SLC7A6: variants seen among roughly 807,000 people sequenced by gnomAD.
The protein encoded by SLC7A6 is solute carrier family 7 member 6.
SLC7A6 carries 29 observed loss-of-function variants against 46.6 expected under a neutral mutation model. The ratio of observed to expected loss-of-function variants is 0.62; its 90% CI spans 0.46 to 0.85. SLC7A6 has a LOEUF of 0.85. Ranked by LOEUF, SLC7A6 falls within the 40% of genes least tolerant of loss-of-function variation. SLC7A6 has a pLI of 0.00. For missense variants in SLC7A6, 527 were observed against 647.6 expected (o/e 0.81, Z 2.02); for synonymous variants, 276 against 257.3 (o/e 1.07, Z -0.70).
intron 3 of SLC7A6, among the ~76,000 whole-genome samples, chr16:68,285,714 A>G (rs1298694178): frequency 6.6e-6 from 1 of 152,188 alleles, no homozygotes; most frequent in Non-Finnish European, 1.5e-5. Flanking sequence ...GCCTTGCTCC[A>G]GGGAATTGGA....
chr16:68,271,809 C>CTTT (rs555148108), intron 2 of SLC7A6, among the ~76,000 whole-genome samples: 1 of 119,952 alleles, frequency 8.3e-6, no homozygotes, highest in Non-Finnish European at 1.9e-5. Flanking sequence ...TTTTTCTTTT[C>CTTT]TTTTTTTTTT....
At position 68,264,584 on chromosome 16, in the gene SLC7A6, G is replaced by T. The variant is rs2042492919; in HGVS notation, c.-166+8G>T. 6.6e-6 allele frequency: 1 copy of T among 152,500 alleles called. No individual in the cohort carries two copies. Among genetic ancestry groups the T allele is most frequent in the Non-Finnish European group, 1.5e-5 (1 of 68,190 alleles). 9.4% of individuals were successfully genotyped at this position (152,500 alleles called of 1,614,324 possible). Reference sequence around the variant, plus strand: ...GCGCCGGGCCACTGGGAGGTAACGGGCTGGGCCATGGGCGGGCGCGCCGGG... The same window carrying T: ...GCGCCGGGCCACTGGGAGGTAACGGTCTGGGCCATGGGCGGGCGCGCCGGG... On this transcript the variant is annotated splice_region_variant and intron_variant, in intron 1 of 10. Transcript: ENST00000219343. This position sits in a 1 kb window ranked among gnomAD's most constrained non-coding sequence, Gnocchi z 5.8.
intron 8 of SLC7A6, among the ~76,000 whole-genome samples, chr16:68,295,382 A>G (rs921168080): frequency 6.6e-6 from 1 of 152,192 alleles, no homozygotes; most frequent in East Asian, 1.9e-4. Flanking sequence ...AATTCTCTTG[A>G]TATTTTGACA....
At chr16:68,266,521 T>C (rs1380235108) in intron 1 of SLC7A6, 72 bp from the exon 2 acceptor site, 4 of 152,068 alleles carry the variant, frequency 2.6e-5, no homozygotes, top group Non-Finnish European at 5.9e-5. Context: ...CATATATATA[T>C]ATATTTAAAT....
At position 68,299,671 on chromosome 16, in the gene SLC7A6, AGT is replaced by A. The variant is rs898603247; in HGVS notation, c.*2346_*2347del. The A allele has an allele frequency of 6.6e-6, 1 of 152,180 alleles. No individual in the cohort carries two copies. Among genetic ancestry groups the A allele is most frequent in the African/African-American group, 2.4e-5 (1 of 41,434 alleles). 9.4% of individuals were successfully genotyped at this position (152,180 alleles called of 1,614,324 possible). A position where few individuals can be genotyped will look rare whatever the true frequency, so the allele number is the denominator to read the frequency against. The stretch of plus-strand genomic sequence containing the variant: ...AGCAGGGAGCACATTGTAACAGCAC[AGT>A]GTTTTGTTTTTTTCACCCGGTTGCT... On this transcript the variant is annotated 3_prime_UTR_variant, in exon 11 of 11. Coordinates refer to ENST00000219343, the MANE Select transcript of SLC7A6 (RefSeq NM_003983.6).
At chr16:68,269,753 CAAAAA>C (rs11306082) in intron 2 of SLC7A6, among the ~76,000 whole-genome samples, 2 of 141,790 alleles carry the variant, frequency 1.4e-5, no homozygotes, top group African/African-American at 5.2e-5. Flanking sequence ...GACTCTGTCT[CAAAAA>C]AAAAAAAAAG....
intron 3 of SLC7A6, chr16:68,284,746 C>T (rs1363505808): frequency 1.8e-6 from 1 of 542,044 alleles, no homozygotes; most frequent in African/African-American, 2.1e-5. Flanking sequence ...CAGACAGTCT[C>T]TTTCTCCATG....
chr16:68,275,304 C>T (rs1345194208), intron 3 of SLC7A6, 55 bp downstream of exon 3: 28 of 1,565,444 alleles, frequency 1.8e-5, no homozygotes, highest in East Asian at 9.3e-5. Flanking sequence ...ACTATAATAA[C>T]GGTACTTTAG....
At chr16:68,290,776 G>C (rs1331761414) in intron 5 of SLC7A6, 2 of 547,112 alleles carry the variant, frequency 3.7e-6, no homozygotes, top group Non-Finnish European at 6.5e-6. Flanking sequence ...TAGAGGAGAG[G>C]GCCTTCAGTG....
rs760174500 is a variant in SLC7A6, at chr16:68,301,364, T to C, written c.*4036T>C. On this transcript the variant is annotated 3_prime_UTR_variant, in exon 11 of 11. Transcript: ENST00000219343. Reference sequence around the variant, plus strand: ...TTGCTCCACATCCGCTGTCTGCTGCTGCCTCTTTCCTCCTCACTCAGGCTG... The same window carrying C: ...TTGCTCCACATCCGCTGTCTGCTGCCGCCTCTTTCCTCCTCACTCAGGCTG... 6.2e-7 allele frequency: 1 copy of C among 1,614,160 alleles called. No homozygotes were observed. Among genetic ancestry groups the C allele is most frequent in the Non-Finnish European group, 8.5e-7 (1 of 1,180,014 alleles).
intron 2 of SLC7A6, among the ~76,000 whole-genome samples, chr16:68,272,116 T>C (rs1362849104): frequency 6.6e-6 from 1 of 152,212 alleles, no homozygotes; most frequent in Non-Finnish European, 1.5e-5. Flanking sequence ...ATTTTGTTAC[T>C]GAATGAAGAT....
rs762758464 is a variant in SLC7A6 at position 68,297,364 on chromosome 16, G to A, written c.*36G>A. 2 of 1,571,660 alleles carry A rather than the reference G, an allele frequency of 1.3e-6. No individual in the cohort carries two copies. The highest frequency in any genetic ancestry group is 3.4e-5 in the Admixed American group (2 of 58,662). ...TGGCTTTCTGAGGCCTGGAAGGCAGGCCAACCAGCAAAATCCTGATAACAA... is the reference window on the plus strand; with the variant it reads ...TGGCTTTCTGAGGCCTGGAAGGCAGACCAACCAGCAAAATCCTGATAACAA... On this transcript the variant is annotated 3_prime_UTR_variant, in exon 11 of 11. Transcript: ENST00000219343.
At chr16:68,282,513 TC>T (rs1596987683) in intron 3 of SLC7A6, among the ~76,000 whole-genome samples, 1 of 152,198 alleles carries the variant, frequency 6.6e-6, no homozygotes, top group African/African-American at 2.4e-5. Context: ...GATTCTGGGA[TC>T]CCCATTTGGA....
At chr16:68,286,725 AACTTAAAGCC>A (rs2042943682) in intron 3 of SLC7A6, among the ~76,000 whole-genome samples, 1 of 152,100 alleles carries the variant, frequency 6.6e-6, no homozygotes, top group South Asian at 2.1e-4. Context: ...GAGGAGCTAG[AACTTAAAGCC>A]ACGTGAGCCT....
chr16:68,291,378 A>C, intron 6 of SLC7A6, 46 bp downstream of exon 6: 1 of 1,610,382 alleles, frequency 6.2e-7, no homozygotes, highest in South Asian at 1.1e-5. Flanking sequence ...CCTGATACTG[A>C]GCCACCCTGC....
chr16:68,284,604 T>G (rs910146501), intron 3 of SLC7A6: 1 of 980,442 alleles, frequency 1.0e-6, no homozygotes. Flanking sequence ...AGGACATTTA[T>G]GGCAGGATAG....
At chr16:68,267,206 ATTTTT>A (rs1189220005) in intron 2 of SLC7A6, among the ~76,000 whole-genome samples, 2 of 87,668 alleles carry the variant, frequency 2.3e-5, no homozygotes, top group Non-Finnish European at 4.4e-5. Context: ...ATTGTGGTGG[ATTTTT>A]TTTTTTTTTT....
At chr16:68,295,029 T>TA in intron 8 of SLC7A6, 1 of 398,700 alleles carries the variant, frequency 2.5e-6, no homozygotes, top group Non-Finnish European at 4.5e-6. Context: ...GGGATTCACT[T>TA]AATTTTTTCT....
Position 68,301,662 on chromosome 16 carries a change from T to C in SLC7A6, c.*4334T>C, listed in dbSNP as rs1292504313. The C allele has an allele frequency of 3.4e-6, 1 of 293,648 alleles. No individual in the cohort carries two copies. Among genetic ancestry groups the C allele is most frequent in the Non-Finnish European group, 6.3e-6 (1 of 159,806 alleles). The allele number at this position is 293,648 out of a possible 1,614,324, so 18.2% of individuals were successfully genotyped here. A position where few individuals can be genotyped will look rare whatever the true frequency, so the allele number is the denominator to read the frequency against. On this transcript the variant is annotated 3_prime_UTR_variant, in exon 11 of 11. Coordinates refer to ENST00000219343, the MANE Select transcript of SLC7A6 (RefSeq NM_003983.6). ...AGTATTTTGTCACTTCTCCCCTCCG[T>C]ATAGGATTTTTTGTTGTTGTAAGAG...
Sources: allele counts gnomAD v4.1 joint callset (sites outside exome capture counted in the v4.1 genomes callset), GRCh38; gene constraint gnomAD v4.1.1; non-coding constraint Gnocchi (gnomAD v3.1); transcripts MANE v1.5; gene names NCBI Gene and HGNC (gene_info 2026-07-23, HGNC 2026-07-21).